Variants in RNF139 observed in about 807,000 individuals in gnomAD.
The protein encoded by RNF139 is E3 ubiquitin-protein ligase RNF139.
RNF139 carries 15 observed loss-of-function variants against 49.5 expected under a neutral mutation model. That is an observed-to-expected ratio of 0.30 (90% CI 0.20 to 0.47). The LOEUF is 0.47. RNF139 is among the 20% of genes least tolerant of loss of function. RNF139 has a pLI of 1.00. For missense variants in RNF139, 619 were observed against 806.3 expected (o/e 0.77, Z 2.81); for synonymous variants, 325 against 300.9 (o/e 1.08, Z -0.83).
In RNF139 at chr8:124,486,311, T is replaced by C. The variant is rs1460517996; in HGVS notation, c.662T>C (p.Leu221Ser). Residue 221 changes from leucine to serine, a missense_variant, in exon 2 of 2, where the codon TTA (leucine) becomes TCA (serine). By Grantham distance (145) the Leu-to-Ser change is moderately radical. This residue lies in a region of RNF139 where 530 missense variants were observed against 728.9 expected (regional missense o/e 0.73). Transcript: ENST00000303545. The part of the protein sequence containing the change: ...LVRHMYRIYG[L>S]QLLMEDTWKR... Reference sequence around the variant, plus strand: ...AGGCACATGTATCGAATTTACGGATTACAGTTATTGATGGAGGACACATGG... The same window carrying C: ...AGGCACATGTATCGAATTTACGGATCACAGTTATTGATGGAGGACACATGG... 6.2e-7 allele frequency: 1 copy of C among 1,614,146 alleles called. No individual in the cohort carries two copies. The highest frequency in any genetic ancestry group is 2.2e-5 in the East Asian group (1 of 44,884).
chr8:124,479,751 A>G (rs1020376446), intron 1 of RNF139, among the ~76,000 whole-genome samples: 2 of 152,194 alleles, frequency 1.3e-5, no homozygotes, highest in African/African-American at 2.4e-5. Context: ...AGCCTTATTT[A>G]TAATTACATA....
Position 124,485,824 on chromosome 8 carries a change from C to T in RNF139, c.182-7C>T, listed in dbSNP as rs1426421446. ...CATTCAAATGACTTTTTCTTTCTTT[C>T]TTTTAGGTGTATTTGCATCCAGTAT... On this transcript the variant is annotated splice_region_variant and splice_polypyrimidine_tract_variant and intron_variant, in intron 1 of 1. Coordinates refer to ENST00000303545, the MANE Select transcript of RNF139 (RefSeq NM_007218.4). 4 of 1,569,990 alleles carry T rather than the reference C, an allele frequency of 2.5e-6. No homozygotes were observed. Among genetic ancestry groups the T allele is most frequent in the Admixed American group, 1.8e-5 (1 of 54,700 alleles).
At chr8:124,477,438 G>A (rs1384832830) in intron 1 of RNF139, among the ~76,000 whole-genome samples, 1 of 152,154 alleles carries the variant, frequency 6.6e-6, no homozygotes, top group Non-Finnish European at 1.5e-5. Flanking sequence ...CAGTACTACT[G>A]TGTATAAGTC....
At chr8:124,484,356 C>T (rs1271369447) in intron 1 of RNF139, among the ~76,000 whole-genome samples, 1 of 151,996 alleles carries the variant, frequency 6.6e-6, no homozygotes, top group Non-Finnish European at 1.5e-5. Context: ...TGAAGAAAGG[C>T]AATTTGGTGA....
intron 1 of RNF139, among the ~76,000 whole-genome samples, chr8:124,479,680 T>A (rs1586521907): frequency 6.6e-6 from 1 of 152,118 alleles, no homozygotes; most frequent in East Asian, 1.9e-4. Flanking sequence ...GCCAAAACTG[T>A]CCCTGGATAT....
At chr8:124,479,152 G>A (rs1381298565) in intron 1 of RNF139, among the ~76,000 whole-genome samples, 8 of 151,914 alleles carry the variant, frequency 5.3e-5, no homozygotes, top group Non-Finnish European at 1.2e-4. Context: ...GTGCAGTGGC[G>A]TGATCTCAGC....
At position 124,475,025 on chromosome 8, in the gene RNF139, C is replaced by CT. The variant is rs966255769; in HGVS notation, c.-83dup. ...GGAGGGCAGGGGCGGAGTTGCCCGC[C>CT]TTAGCCCCCGCCCCCGGCCGCGGCC... is the stretch of plus-strand genomic sequence containing the variant. On this transcript the variant is annotated 5_prime_UTR_variant, in exon 1 of 2. Coordinates refer to ENST00000303545, the MANE Select transcript of RNF139 (RefSeq NM_007218.4). 9 of 957,736 alleles carry CT rather than the reference C, an allele frequency of 9.4e-6. No homozygotes were observed. The highest frequency in any genetic ancestry group is 1.1e-5 in the Non-Finnish European group (8 of 744,672). 59.3% of individuals were successfully genotyped at this position (957,736 alleles called of 1,614,324 possible).
intron 1 of RNF139, among the ~76,000 whole-genome samples, chr8:124,484,778 A>G (rs1816501369): frequency 6.6e-6 from 1 of 152,180 alleles, no homozygotes; most frequent in South Asian, 2.1e-4. Context: ...CATTTTCTAA[A>G]AACATGTCTT....
intron 1 of RNF139, among the ~76,000 whole-genome samples, chr8:124,478,822 C>T (rs994239289): frequency 1.3e-5 from 2 of 150,256 alleles, no homozygotes; most frequent in South Asian, 4.2e-4. Context: ...CAGGTTCGGG[C>T]GATTCTCCGG....
chr8:124,486,334 T>C lies in RNF139; in HGVS notation c.685T>C (p.Trp229Arg). 1 of 1,614,154 alleles carries C rather than the reference T, an allele frequency of 6.2e-7. No homozygotes were observed. The highest frequency in any genetic ancestry group is 8.5e-7 in the Non-Finnish European group (1 of 1,180,008). The change falls in exon 2 of 2, where the codon TGG (tryptophan) becomes CGG (arginine). Residue 229 changes from tryptophan (W) to arginine (R), a missense_variant. Trp to Arg is a moderately radical substitution (Grantham distance 101). Coordinates refer to ENST00000303545, the MANE Select transcript of RNF139 (RefSeq NM_007218.4). ...ATTACAGTTATTGATGGAGGACACA[T>C]GGAAGAGGATTCGTTTCCCAGACAT... ...YGLQLLMEDT[W>R]KRIRFPDILR...
chr8:124,480,653 A>T (rs555316165), intron 1 of RNF139, among the ~76,000 whole-genome samples: 154 of 152,264 alleles, frequency 1.0e-3, no homozygotes, highest in African/African-American at 3.6e-3. Context: ...TTAAATAGGC[A>T]AGATTGATTA....
Position 124,486,929 on chromosome 8 carries a change from G to T in RNF139, c.1280G>T (p.Cys427Phe). Residue 427 changes from cysteine (C) to phenylalanine (F), a missense_variant, in exon 2 of 2, where the codon TGT becomes TTT. This residue lies in a region of RNF139 where 530 missense variants were observed against 728.9 expected (regional missense o/e 0.73). Transcript: ENST00000303545. Reference sequence around the variant, plus strand: ...TGGTTGTTTGCAGTTACAGCATTTTGTGTGGAACTGTGCTTAAAAGTAATT... The same window carrying T: ...TGGTTGTTTGCAGTTACAGCATTTTTTGTGGAACTGTGCTTAAAAGTAATT... ...NTWLFAVTAF[C>F]VELCLKVIVS... 1 of 1,614,002 alleles carries T rather than the reference G, an allele frequency of 6.2e-7. No homozygotes were observed. Among genetic ancestry groups the T allele is most frequent in the Admixed American group, 1.7e-5 (1 of 60,012 alleles).
In RNF139 at chr8:124,486,772, T is replaced by A; in HGVS notation, c.1123T>A (p.Leu375Ile). ...TATCCATGGAATGACAGACCCTGTA[T>A]TAATGTCTCTCAGTGCCTCTCATGT... Reference protein sequence around the residue: ...HFIHGMTDPVLMSLSASHVSS... With the variant: ...HFIHGMTDPVIMSLSASHVSS... Residue 375 changes from leucine to isoleucine, a missense_variant, in exon 2 of 2, where the codon TTA becomes ATA. Leu to Ile is a conservative substitution (Grantham distance 5). Transcript: ENST00000303545. 6.2e-7 allele frequency: 1 copy of A among 1,614,036 alleles called. No individual in the cohort carries two copies. Among genetic ancestry groups the A allele is most frequent in the South Asian group, 1.1e-5 (1 of 91,088 alleles).
chr8:124,482,933 TATA>T (rs1454833532), intron 1 of RNF139, among the ~76,000 whole-genome samples: 4 of 94,186 alleles, frequency 4.2e-5, no homozygotes, highest in African/African-American at 1.6e-4. Flanking sequence ...TTAAAAAAAA[TATA>T]AAAAAAAATA....
In RNF139 at chr8:124,487,582, A is replaced by T. The variant is rs200296709; in HGVS notation, c.1933A>T (p.Arg645Ter). The stretch of plus-strand genomic sequence containing the variant: ...TTGTGATGATGATGTTCAAAGAGAA[A>T]GAAATGGAGTGATTCAGCACACAGG... ...TDCDDDVQRE[R>*]NGVIQHTGAA... The change falls in exon 2 of 2, where the codon AGA becomes TGA. Residue 645 changes from arginine to a stop codon, truncating the protein, a stop_gained. Coordinates refer to ENST00000303545, the MANE Select transcript of RNF139 (RefSeq NM_007218.4). LOFTEE classifies it high-confidence loss of function. 22 of 1,613,938 alleles carry T rather than the reference A, an allele frequency of 1.4e-5. No homozygotes were observed. The highest frequency in any genetic ancestry group is 1.9e-5 in the Non-Finnish European group (22 of 1,179,956).
intron 1 of RNF139, among the ~76,000 whole-genome samples, chr8:124,482,543 T>C (rs753606339): frequency 3.3e-5 from 5 of 152,106 alleles, no homozygotes; most frequent in Non-Finnish European, 5.9e-5. Context: ...TGGTTTTCCA[T>C]GTAGAGAATG....
intron 1 of RNF139, among the ~76,000 whole-genome samples, chr8:124,480,638 G>A (rs1378231951): frequency 6.6e-6 from 1 of 152,142 alleles, no homozygotes; most frequent in Non-Finnish European, 1.5e-5. Context: ...TTCTATGGAA[G>A]TTCATTAAAT....
chr8:124,487,458 C>T lies in RNF139; in HGVS notation c.1809C>T (p.Asn603=), dbSNP rs1215421965. 5.0e-6 allele frequency: 8 copies of T among 1,613,826 alleles called. No individual in the cohort carries two copies. Among genetic ancestry groups the T allele is most frequent in the Non-Finnish European group, 6.8e-6 (8 of 1,179,936 alleles). ...TCAAGGATAATTCAAATGTATCTAA[C>T]AACAATGGATTTATTCCACCCAATG... ...DDIKDNSNVS[N]NNGFIPPNET... is the part of the protein sequence containing the mutation. The change falls in exon 2 of 2, where the codon AAC becomes AAT. Residue 603 remains asparagine, a synonymous_variant. Coordinates refer to ENST00000303545, the MANE Select transcript of RNF139 (RefSeq NM_007218.4).
At position 124,487,028 on chromosome 8, in the gene RNF139, A is replaced by AT; in HGVS notation, c.1380dup (p.Val461CysfsTer12). The AT allele has an allele frequency of 6.2e-7, 1 of 1,614,086 alleles. No homozygotes were observed. Among genetic ancestry groups the AT allele is most frequent in the Non-Finnish European group, 8.5e-7 (1 of 1,180,000 alleles). Reference sequence around the variant, plus strand: ...GTCCTCTGGGAAAAGCTTGACGATTATGTCTACTACGTTCGTTCAACAGGC... The same window carrying AT: ...GTCCTCTGGGAAAAGCTTGACGATTATTGTCTACTACGTTCGTTCAACAGGC... On this transcript the variant is annotated frameshift_variant, in exon 2 of 2. Coordinates refer to ENST00000303545, the MANE Select transcript of RNF139 (RefSeq NM_007218.4). LOFTEE classifies it high-confidence loss of function.
Sources: gnomAD v4.1 joint callset for allele counts (sites outside exome capture counted in the v4.1 genomes callset) on GRCh38, gnomAD v4.1.1 for gene constraint, gnomAD v4.1.1 regional missense constraint, MANE v1.5 for transcripts, NCBI Gene and HGNC (gene_info 2026-07-23, HGNC 2026-07-21) for gene names.